NXPH1: variants seen among roughly 807,000 people sequenced by gnomAD.
The protein encoded by NXPH1 is neurexophilin-1.
NXPH1 carries 5 observed loss-of-function variants against 23.7 expected under a neutral mutation model. That is an observed-to-expected ratio of 0.21 (90% CI 0.11 to 0.44). The LOEUF is 0.44. NXPH1 is among the 20% of genes least tolerant of loss of function. The pLI, the probability that NXPH1 is intolerant of heterozygous loss-of-function variation, is 0.99. For missense variants in NXPH1, 324 were observed against 321.6 expected (o/e 1.01, Z -0.06); for synonymous variants, 144 against 122.2 (o/e 1.18, Z -1.18).
intron 2 of NXPH1, among the ~76,000 whole-genome samples, chr7:8,668,668 G>A (rs1234507650): frequency 6.6e-6 from 1 of 152,198 alleles, no homozygotes; most frequent in Non-Finnish European, 1.5e-5. Flanking sequence ...GGGCTGACCA[G>A]GTACTGGCAT....
At chr7:8,673,764 G>A (rs1033999785) in intron 2 of NXPH1, among the ~76,000 whole-genome samples, 1 of 151,970 alleles carries the variant, frequency 6.6e-6, no homozygotes, top group African/African-American at 2.4e-5. Flanking sequence ...TTAATTAGGT[G>A]CTCTTATTGC....
chr7:8,604,956 T>A (rs949342709), intron 2 of NXPH1, among the ~76,000 whole-genome samples: 1 of 152,144 alleles, frequency 6.6e-6, no homozygotes, highest in Admixed American at 6.6e-5. Context: ...TGCTTGCCAT[T>A]TTTTCTCCAC....
intron 2 of NXPH1, among the ~76,000 whole-genome samples, chr7:8,480,753 GA>G (rs1817059609): frequency 6.6e-6 from 1 of 152,096 alleles, no homozygotes. Flanking sequence ...ATTGTAAGAA[GA>G]AAAATGAGTC....
At chr7:8,612,208 C>G (rs1819636910) in intron 2 of NXPH1, among the ~76,000 whole-genome samples, 1 of 151,314 alleles carries the variant, frequency 6.6e-6, no homozygotes, top group East Asian at 1.9e-4. Flanking sequence ...CTCCATCCCT[C>G]TTTCTTTTTC....
intron 2 of NXPH1, among the ~76,000 whole-genome samples, chr7:8,595,845 G>A (rs1334718498): frequency 6.6e-6 from 1 of 152,004 alleles, no homozygotes; most frequent in Admixed American, 6.6e-5. Context: ...ATCGCTTTTA[G>A]TGATTATGTA....
chr7:8,733,397 G>C (rs967312870), intron 2 of NXPH1, among the ~76,000 whole-genome samples: 1 of 152,164 alleles, frequency 6.6e-6, no homozygotes, highest in African/African-American at 2.4e-5. Flanking sequence ...TATATACCCA[G>C]TAATGGGATG....
intron 2 of NXPH1, among the ~76,000 whole-genome samples, chr7:8,436,168 C>A (rs1017916701): frequency 1.3e-5 from 2 of 152,072 alleles, no homozygotes. Context: ...AACAAATCTG[C>A]CCAGGTCTGT....
At chr7:8,688,736 A>G (rs1385751781) in intron 2 of NXPH1, among the ~76,000 whole-genome samples, 1 of 152,160 alleles carries the variant, frequency 6.6e-6, no homozygotes, top group Non-Finnish European at 1.5e-5. Flanking sequence ...CATTTATCTC[A>G]TCATCTCCTA....
At chr7:8,549,357 A>G (rs1402421824) in intron 2 of NXPH1, among the ~76,000 whole-genome samples, 3 of 151,700 alleles carry the variant, frequency 2.0e-5, no homozygotes, top group East Asian at 3.9e-4. Flanking sequence ...GTATTTGCAC[A>G]TCACAGACAG....
intron 2 of NXPH1, among the ~76,000 whole-genome samples, chr7:8,731,169 C>G (rs1179494293): frequency 2.0e-5 from 3 of 151,940 alleles, no homozygotes; most frequent in Non-Finnish European, 2.9e-5. Context: ...ATGTAGTTCT[C>G]GAGCCTTGGT....
At chr7:8,685,181 TA>T (rs1286221555) in intron 2 of NXPH1, among the ~76,000 whole-genome samples, 1 of 152,110 alleles carries the variant, frequency 6.6e-6, no homozygotes, top group Non-Finnish European at 1.5e-5. Context: ...AATCAACTGA[TA>T]ACTGAGAGTT....
intron 2 of NXPH1, 45 bp from the exon 3 acceptor site, chr7:8,750,963 C>A: frequency 6.3e-7 from 1 of 1,578,394 alleles, no homozygotes; most frequent in Non-Finnish European, 8.7e-7. Flanking sequence ...GGGTGTTATT[C>A]TCAGATGCAG....
Position 8,594,799 on chromosome 7 carries a change from G to A in NXPH1, c.55-156209G>A, listed in dbSNP as rs564537603. On this transcript the variant is annotated intron_variant, in intron 2 of 2. Coordinates refer to ENST00000405863, the MANE Select transcript of NXPH1 (RefSeq NM_152745.3). ...CTGGTGTCCCTAAAGAATCAATGCC[G>A]CTTCCAATTGGCATTTTCAAATTTA... Among the ~76,000 whole-genome samples, 60 of 152,096 alleles carry A rather than the reference G, an allele frequency of 3.9e-4. No homozygotes were observed. The South Asian group carries it at 0.012, about 31-fold the overall frequency.
intron 2 of NXPH1, among the ~76,000 whole-genome samples, chr7:8,661,552 T>G (rs922371087): frequency 2.6e-5 from 4 of 152,128 alleles, no homozygotes; most frequent in Non-Finnish European, 5.9e-5. Context: ...GGAAGGGGCT[T>G]TACTGGCCCA....
intron 2 of NXPH1, among the ~76,000 whole-genome samples, chr7:8,593,506 C>T (rs1003032863): frequency 2.0e-5 from 3 of 151,898 alleles, no homozygotes; most frequent in East Asian, 3.9e-4. Flanking sequence ...TAAATTGCCC[C>T]CTAGTCTCCT....
chr7:8,566,939 T>A (rs1818558703), intron 2 of NXPH1, among the ~76,000 whole-genome samples: 1 of 151,840 alleles, frequency 6.6e-6, no homozygotes, highest in Non-Finnish European at 1.5e-5. Flanking sequence ...TTTACTCAAA[T>A]TGTTTCAAGA....
intron 2 of NXPH1, among the ~76,000 whole-genome samples, chr7:8,666,065 C>G (rs1191370531): frequency 6.6e-6 from 1 of 151,116 alleles, no homozygotes; most frequent in Non-Finnish European, 1.5e-5. Context: ...TTTTTTCTGG[C>G]TAGGACTTCT....
chr7:8,668,175 G>A (rs1007137388), intron 2 of NXPH1, among the ~76,000 whole-genome samples: 15 of 149,150 alleles, frequency 1.0e-4, no homozygotes, highest in African/African-American at 3.4e-4. Context: ...TGAATTATTT[G>A]TTAGACAGTT....
At chr7:8,541,322 A>G (rs533529024) in intron 2 of NXPH1, among the ~76,000 whole-genome samples, 4 of 151,940 alleles carry the variant, frequency 2.6e-5, no homozygotes, top group Non-Finnish European at 5.9e-5. Flanking sequence ...GATATGAAAG[A>G]GGACATCAGT....
Sources: gnomAD v4.1 joint callset for allele counts (sites outside exome capture counted in the v4.1 genomes callset) on GRCh38, gnomAD v4.1.1 for gene constraint, MANE v1.5 for transcripts, NCBI Gene and HGNC (gene_info 2026-07-23, HGNC 2026-07-21) for gene names.